ARHGAP10: variants seen among roughly 807,000 people sequenced by gnomAD.
The protein encoded by ARHGAP10 is rho GTPase-activating protein 10.
A neutral mutation model predicts 108.6 loss-of-function variants in ARHGAP10; 87 were observed. The observed-to-expected ratio is 0.80, with a 90% CI of 0.67 to 0.96. ARHGAP10 has a LOEUF of 0.96. Ranked by LOEUF, ARHGAP10 falls within the 40% of genes least tolerant of loss-of-function variation. ARHGAP10 has a pLI of 0.00. For synonymous variants in ARHGAP10, 347 were observed against 341.1 expected, an observed-to-expected ratio of 1.02 and a Z score of -0.19; for missense variants, 939 against 954.5, an observed-to-expected ratio of 0.98 and a Z score of 0.21.
chr4:147,974,927 T>C (rs1243232251), intron 18 of ARHGAP10, among the ~76,000 whole-genome samples: 1 of 152,128 alleles, frequency 6.6e-6, no homozygotes, highest in Non-Finnish European at 1.5e-5. Context: ...ATCATGAGAA[T>C]AGCACAGGAA....
intron 1 of ARHGAP10, among the ~76,000 whole-genome samples, chr4:147,759,205 T>C (rs927732213): frequency 1.3e-5 from 2 of 152,192 alleles, no homozygotes; most frequent in Non-Finnish European, 2.9e-5. Context: ...AACTTCCACT[T>C]ACCAGTTTTA....
chr4:147,922,645 G>A (rs918551947), intron 13 of ARHGAP10, among the ~76,000 whole-genome samples: 3 of 136,626 alleles, frequency 2.2e-5, no homozygotes, highest in East Asian at 2.2e-4. Flanking sequence ...CCGAGATCCC[G>A]CCACTGCACT....
intron 3 of ARHGAP10, among the ~76,000 whole-genome samples, chr4:147,831,240 G>A (rs1732944453): frequency 6.6e-6 from 1 of 152,228 alleles, no homozygotes; most frequent in Non-Finnish European, 1.5e-5. Flanking sequence ...CTGTGTCCCT[G>A]TCAGGAGGTT....
intron 15 of ARHGAP10, among the ~76,000 whole-genome samples, chr4:147,950,566 G>T (rs1024382877): frequency 3.3e-5 from 5 of 152,190 alleles, no homozygotes; most frequent in Non-Finnish European, 7.3e-5. Context: ...GATGTTGGAG[G>T]TGGAGGGAGG....
At chr4:147,849,720 A>G (rs1269568823) in intron 4 of ARHGAP10, among the ~76,000 whole-genome samples, 5 of 152,116 alleles carry the variant, frequency 3.3e-5, no homozygotes, top group East Asian at 1.9e-4. Context: ...TGTGGTTTAA[A>G]TCTATTCTAA....
chr4:147,945,520 A>AT (rs1334562814), intron 14 of ARHGAP10, among the ~76,000 whole-genome samples: 3 of 152,182 alleles, frequency 2.0e-5, no homozygotes, highest in Non-Finnish European at 4.4e-5. Flanking sequence ...CCGGATGACT[A>AT]TATTATAGTG....
intron 18 of ARHGAP10, among the ~76,000 whole-genome samples, chr4:148,012,944 CCTT>C (rs1034362280): frequency 7.1e-6 from 1 of 140,004 alleles, no homozygotes; most frequent in South Asian, 2.2e-4. Context: ...TTTTTTTAAA[CCTT>C]CTTTAAAGAG....
intron 19 of ARHGAP10, among the ~76,000 whole-genome samples, chr4:148,024,449 T>A (rs1462193285): frequency 6.6e-6 from 1 of 152,130 alleles, no homozygotes; most frequent in African/African-American, 2.4e-5. Context: ...ACCAGGTGGT[T>A]AATATCCAGA....
intron 1 of ARHGAP10, among the ~76,000 whole-genome samples, chr4:147,795,572 G>A (rs1731284630): frequency 6.6e-6 from 1 of 152,154 alleles, no homozygotes; most frequent in Non-Finnish European, 1.5e-5. Flanking sequence ...CTCTTTGAAG[G>A]TAGGAGCTGT....
intron 13 of ARHGAP10, among the ~76,000 whole-genome samples, chr4:147,919,361 A>G (rs973168168): frequency 6.6e-6 from 1 of 152,202 alleles, no homozygotes; most frequent in Non-Finnish European, 1.5e-5. Flanking sequence ...ATACTTTTCC[A>G]TAGAGTAGTT....
chr4:147,928,133 C>A (rs747818123), intron 13 of ARHGAP10, among the ~76,000 whole-genome samples: 5 of 152,198 alleles, frequency 3.3e-5, no homozygotes, highest in Middle Eastern at 3.2e-3. Flanking sequence ...AGTAAACTTT[C>A]TACCTTTCGT....
chr4:147,769,762 A>T (rs7673234), intron 1 of ARHGAP10, among the ~76,000 whole-genome samples: 6 of 152,162 alleles, frequency 3.9e-5, no homozygotes, highest in Admixed American at 2.0e-4. Context: ...AACTTTTCAG[A>T]TAAGAAACTA....
Position 147,939,858 on chromosome 4 carries a change from G to A in ARHGAP10, c.1262G>A (p.Gly421Glu). ...GACCAAGGATTGTACAGAGTTGTGG[G>A]GGTGAGTTCAAAGGTCCAGAGACTT... is the stretch of plus-strand genomic sequence containing the variant. ...INDQGLYRVV[G>E]VSSKVQRLLS... is the part of the protein sequence containing the mutation. The change falls in exon 14 of 23, where the codon GGG becomes GAG. Residue 421 changes from glycine (G) to glutamate (E), a missense_variant. By Grantham distance (98) the Gly-to-Glu change is moderately conservative. Transcript: ENST00000336498. The A allele has an allele frequency of 6.2e-7, 1 of 1,614,032 alleles. No homozygotes were observed.
At chr4:147,938,175 C>T (rs1738026834) in intron 13 of ARHGAP10, among the ~76,000 whole-genome samples, 1 of 151,656 alleles carries the variant, frequency 6.6e-6, no homozygotes, top group Non-Finnish European at 1.5e-5. Flanking sequence ...AACTCGTGGA[C>T]ACATAGAGGA....
chr4:147,898,258 T>A (rs1283167623), intron 10 of ARHGAP10, among the ~76,000 whole-genome samples: 1 of 152,310 alleles, frequency 6.6e-6, no homozygotes, highest in Admixed American at 6.5e-5. Flanking sequence ...ATGTCTTTTA[T>A]ATTGCCTTCA....
intron 13 of ARHGAP10, among the ~76,000 whole-genome samples, chr4:147,934,499 G>A (rs1737845048): frequency 6.6e-6 from 1 of 152,196 alleles, no homozygotes; most frequent in African/African-American, 2.4e-5. Context: ...ATCCGTTAAC[G>A]CTTTTGATTT....
intron 4 of ARHGAP10, among the ~76,000 whole-genome samples, chr4:147,854,268 A>G (rs1379889463): frequency 6.6e-6 from 1 of 152,196 alleles, no homozygotes; most frequent in South Asian, 2.1e-4. Flanking sequence ...CATAAAAATC[A>G]TTGGATTTTT....
chr4:147,844,174 TTA>T (rs1317319007), intron 3 of ARHGAP10, among the ~76,000 whole-genome samples: 1 of 152,148 alleles, frequency 6.6e-6, no homozygotes, highest in Non-Finnish European at 1.5e-5. Context: ...CCTTTATTTT[TTA>T]TTTTTAAATT....
intron 15 of ARHGAP10, among the ~76,000 whole-genome samples, chr4:147,951,531 G>C (rs1178072508): frequency 6.7e-6 from 1 of 150,144 alleles, no homozygotes; most frequent in African/African-American, 2.5e-5. Context: ...TTTTGTGTTT[G>C]TATGTATATA....
Sources: gnomAD v4.1 joint callset for allele counts (sites outside exome capture counted in the v4.1 genomes callset) on GRCh38, gnomAD v4.1.1 for gene constraint, MANE v1.5 for transcripts, NCBI Gene and HGNC (gene_info 2026-07-23, HGNC 2026-07-21) for gene names.